FMNL2: variants seen among roughly 807,000 people sequenced by gnomAD.
FMNL2 encodes the protein formin-like protein 2.
Under a neutral mutation model 130.2 loss-of-function variants are expected in FMNL2, and 51 were observed. The ratio of observed to expected loss-of-function variants is 0.39; its 90% CI spans 0.31 to 0.49. The LOEUF (loss-of-function observed/expected upper bound fraction) is 0.49, where lower values mean the gene tolerates loss of function less well. FMNL2 is among the 20% of genes least tolerant of loss of function. The probability of loss-of-function intolerance (pLI) is 0.85; values close to 1 mark genes in which losing one functional copy is unlikely to be tolerated. For synonymous variants in FMNL2, 465 were observed against 467.1 expected (o/e 1.00, Z 0.06); for missense variants, 977 against 1,316.2 (o/e 0.74, Z 3.99).
chr2:152,463,639 A>C (rs1190645117), intron 1 of FMNL2, among the ~76,000 whole-genome samples: 1 of 152,222 alleles, frequency 6.6e-6, no homozygotes, highest in Non-Finnish European at 1.5e-5. Flanking sequence ...AGATAAAATA[A>C]AAGCATCTTC....
At chr2:152,394,599 G>A (rs372168934) in intron 1 of FMNL2, among the ~76,000 whole-genome samples, 2 of 148,394 alleles carry the variant, frequency 1.3e-5, no homozygotes, top group East Asian at 2.0e-4. Context: ...TGTGGAAAGA[G>A]TTGTTCTCTG....
At chr2:152,624,762 G>A (rs1681656981) in intron 15 of FMNL2, among the ~76,000 whole-genome samples, 1 of 152,156 alleles carries the variant, frequency 6.6e-6, no homozygotes, top group African/African-American at 2.4e-5. Context: ...GCCCGAGCCT[G>A]GGAGGTCAAG....
At chr2:152,390,811 A>C (rs929640791) in intron 1 of FMNL2, among the ~76,000 whole-genome samples, 1 of 152,214 alleles carries the variant, frequency 6.6e-6, no homozygotes, top group South Asian at 2.1e-4. Flanking sequence ...TGTCTTCCCC[A>C]GTTGGCCTAC....
rs555157642 is a variant in FMNL2 at position 152,605,668 on chromosome 2, C to G, written c.877-1671C>G. 1.3e-4 allele frequency among the ~76,000 whole-genome samples: 20 copies of G among 152,252 alleles called. No individual in the cohort carries two copies. In the South Asian group the frequency reaches 2.9e-3, roughly 22 times the overall value. ...TTAGACTCTACCTTCCATGCACTGT[C>G]CCTCTGCATTCTGAAATTATTTTTT... On this transcript the variant is annotated intron_variant, in intron 9 of 25. Coordinates refer to ENST00000288670, the MANE Select transcript of FMNL2 (RefSeq NM_052905.4).
chr2:152,434,398 G>C (rs1687640507), intron 1 of FMNL2, among the ~76,000 whole-genome samples: 2 of 152,314 alleles, frequency 1.3e-5, no homozygotes, highest in South Asian at 4.1e-4. Context: ...TCTAGTTGCA[G>C]CTAAATCTGA....
intron 2 of FMNL2, 105 bp from the exon 3 acceptor site, chr2:152,542,634 A>G: frequency 9.2e-7 from 1 of 1,082,504 alleles, no homozygotes; most frequent in Non-Finnish European, 1.4e-6. Flanking sequence ...GGCCACATTT[A>G]TACTGTGGAT....
intron 6 of FMNL2, among the ~76,000 whole-genome samples, chr2:152,562,219 T>C (rs1695571138): frequency 6.6e-6 from 1 of 152,238 alleles, no homozygotes; most frequent in Admixed American, 6.5e-5. Context: ...CATTCCAAAA[T>C]GTTGCTTATT....
At position 152,491,662 on chromosome 2, in the gene FMNL2, T is replaced by C. The variant is rs1055644796; in HGVS notation, c.118-30281T>C. ...TAAAGATGGTTTTAAAACTGAACTATAGATCAGCCAGGGTGTGATGGCTCA... is the reference window on the plus strand; with the variant it reads ...TAAAGATGGTTTTAAAACTGAACTACAGATCAGCCAGGGTGTGATGGCTCA... On this transcript the variant is annotated intron_variant, in intron 1 of 25. Coordinates refer to ENST00000288670, the MANE Select transcript of FMNL2 (RefSeq NM_052905.4). Among the ~76,000 whole-genome samples, 6 of 152,194 alleles carry C rather than the reference T, an allele frequency of 3.9e-5. No individual in the cohort carries two copies. In the East Asian group the frequency reaches 1.2e-3, roughly 29 times the overall value.
intron 1 of FMNL2, among the ~76,000 whole-genome samples, chr2:152,465,373 A>T (rs370917238): frequency 8.5e-5 from 13 of 152,332 alleles, no homozygotes; most frequent in African/African-American, 2.6e-4. Flanking sequence ...AAGGCTGACC[A>T]AGCCAGATTT....
At chr2:152,460,582 G>A (rs1012539765) in intron 1 of FMNL2, among the ~76,000 whole-genome samples, 6 of 152,166 alleles carry the variant, frequency 3.9e-5, no homozygotes, top group African/African-American at 9.7e-5. Context: ...CCCGGGCCAC[G>A]GACCTGTTAG....
chr2:152,634,309 T>C (rs772992690), intron 21 of FMNL2, among the ~76,000 whole-genome samples: 45 of 152,184 alleles, frequency 3.0e-4, no homozygotes, highest in Non-Finnish European at 5.3e-4. Context: ...GGCACATGCC[T>C]GTACTCCCAG....
At chr2:152,357,911 G>A (rs1209874849) in intron 1 of FMNL2, among the ~76,000 whole-genome samples, 1 of 152,170 alleles carries the variant, frequency 6.6e-6, no homozygotes, top group Non-Finnish European at 1.5e-5. Flanking sequence ...ATTGAAGGAT[G>A]CAAAGTGTTG....
At chr2:152,645,350 G>A (rs949250741) in intron 25 of FMNL2, 6 of 649,500 alleles carry the variant, frequency 9.2e-6, no homozygotes, top group Non-Finnish European at 1.4e-5. Flanking sequence ...GCCTGGGAAT[G>A]TTGAGCACTA....
Position 152,605,304 on chromosome 2 carries a change from G to A in FMNL2, c.877-2035G>A, listed in dbSNP as rs532744230. On this transcript the variant is annotated intron_variant, in intron 9 of 25. Transcript: ENST00000288670. ...TGGTCATGTGTGTGCGTCTGTGCGT[G>A]TGCGTGTGTGTGTGCGTGTGTGTGT... Among the ~76,000 whole-genome samples the A allele has an allele frequency of 2.3e-4, 34 of 148,938 alleles. No homozygotes were observed. The South Asian group carries it at 7.2e-3, about 32-fold the overall frequency.
chr2:152,448,040 A>G (rs940790011), intron 1 of FMNL2, among the ~76,000 whole-genome samples: 6 of 152,156 alleles, frequency 3.9e-5, no homozygotes, highest in Admixed American at 6.5e-5. Context: ...TCATTGATGT[A>G]TTACTCACAA....
At chr2:152,593,444 G>T (rs1283386049) in intron 9 of FMNL2, among the ~76,000 whole-genome samples, 1 of 152,096 alleles carries the variant, frequency 6.6e-6, no homozygotes, top group Admixed American at 6.5e-5. Context: ...GTGTAGCTCT[G>T]CAGAAAATAC....
chr2:152,602,367 G>T (rs75427293), intron 9 of FMNL2, among the ~76,000 whole-genome samples: 1,731 of 152,236 alleles, frequency 0.011, 39 homozygotes, highest in African/African-American at 0.039. Flanking sequence ...CTTTTCCAGG[G>T]CATATACTTT....
intron 7 of FMNL2, among the ~76,000 whole-genome samples, chr2:152,578,045 C>T (rs907075626): frequency 6.6e-6 from 1 of 152,046 alleles, no homozygotes; most frequent in Admixed American, 6.6e-5. Flanking sequence ...TGTTCGTGAG[C>T]AGATGCGAGG....
intron 1 of FMNL2, among the ~76,000 whole-genome samples, chr2:152,433,046 A>G (rs1266406907): frequency 6.6e-6 from 1 of 152,182 alleles, no homozygotes; most frequent in Admixed American, 6.5e-5. Context: ...GCATTAAATG[A>G]GGAGGTATTT....
Sources: gnomAD v4.1 joint callset for allele counts (sites outside exome capture counted in the v4.1 genomes callset) on GRCh38, gnomAD v4.1.1 for gene constraint, MANE v1.5 for transcripts, NCBI Gene and HGNC (gene_info 2026-07-23, HGNC 2026-07-21) for gene names.